The following CSMD2 variants were observed in gnomAD, a reference collection of about 807,000 sequenced individuals.
The protein encoded by CSMD2 is CUB and Sushi multiple domains 2.
In CSMD2, 130 loss-of-function variants were observed where a neutral mutation model predicts 398.5. The ratio of observed to expected loss-of-function variants is 0.33; its 90% confidence interval spans 0.28 to 0.38. CSMD2 has a LOEUF of 0.38. CSMD2 is among the 10% of genes least tolerant of loss of function. The pLI is 1.00. For synonymous variants in CSMD2, 1,828 were observed against 1,908.5 expected (o/e 0.96, Z 1.10); for missense variants, 3,829 against 4,764.9 (o/e 0.80, Z 5.78).
rs75798854 is a variant in CSMD2 at position 34,079,230 on chromosome 1, C to A, written c.404+9747G>T. Among the ~76,000 whole-genome samples the A allele has an allele frequency of 2.4e-4, 37 of 152,210 alleles. 1 individual carries two copies. The East Asian group carries it at 7.1e-3, about 29-fold the overall frequency. ...TCAAGGCTAGCCACTCTGACCATTT[C>A]TATTCAATATTATACTGGAGGTTCT... On this transcript the variant is annotated intron_variant, in intron 2 of 70. Coordinates refer to ENST00000373381, the MANE Select transcript of CSMD2 (RefSeq NM_001281956.2).
chr1:34,157,967 C>T (rs937333372), intron 1 of CSMD2, among the ~76,000 whole-genome samples: 1 of 152,078 alleles, frequency 6.6e-6, no homozygotes, highest in Non-Finnish European at 1.5e-5. Context: ...AGGGGTCTCA[C>T]CTTCTCCCAA....
intron 3 of CSMD2, among the ~76,000 whole-genome samples, chr1:33,947,675 A>G (rs114844337): frequency 0.012 from 1,889 of 152,282 alleles, 43 homozygotes; most frequent in African/African-American, 0.042. Flanking sequence ...TCTGCAAATG[A>G]TGGTGAACAG....
At chr1:33,732,929 A>C (rs1646767795) in intron 15 of CSMD2, among the ~76,000 whole-genome samples, 1 of 152,132 alleles carries the variant, frequency 6.6e-6, no homozygotes, top group African/African-American at 2.4e-5. Flanking sequence ...ACAGACATTA[A>C]CCTCATTTCA....
At chr1:33,931,919 G>A (rs1035047910) in intron 4 of CSMD2, among the ~76,000 whole-genome samples, 46 of 152,334 alleles carry the variant, frequency 3.0e-4, no homozygotes, top group African/African-American at 9.6e-4. Context: ...CCTGCCTACA[G>A]AGGGTCAACC....
intron 19 of CSMD2, among the ~76,000 whole-genome samples, chr1:33,722,439 C>T (rs1198565586): frequency 1.3e-5 from 2 of 152,190 alleles, no homozygotes; most frequent in African/African-American, 4.8e-5. Context: ...TCCACATTAT[C>T]CCCCAGACTG....
chr1:33,971,418 C>T (rs1047819116), intron 3 of CSMD2, among the ~76,000 whole-genome samples: 1 of 152,274 alleles, frequency 6.6e-6, no homozygotes. Flanking sequence ...ACACTGCTCA[C>T]AGGCTGGGAG....
At chr1:34,142,679 C>T (rs1307674871) in intron 1 of CSMD2, among the ~76,000 whole-genome samples, 2 of 152,218 alleles carry the variant, frequency 1.3e-5, no homozygotes, top group Non-Finnish European at 2.9e-5. Context: ...CTGGATGTAA[C>T]TCCAACATTT....
rs200526131 is a variant in CSMD2 at position 33,730,446 on chromosome 1, T to A, written c.2369-3761A>T. 1.8e-4 allele frequency among the ~76,000 whole-genome samples: 28 copies of A among 152,250 alleles called. No homozygotes were observed. The East Asian group carries it at 5.0e-3, about 27-fold the overall frequency. ...ATTTTAAATAATTAAAATGAAAGAT[T>A]AAGCAAATCAATAAACTGATAAGCA... On this transcript the variant is annotated intron_variant, in intron 15 of 70. Coordinates refer to ENST00000373381, the MANE Select transcript of CSMD2 (RefSeq NM_001281956.2).
intron 27 of CSMD2, among the ~76,000 whole-genome samples, chr1:33,656,352 A>G (rs1310124074): frequency 6.6e-6 from 1 of 152,248 alleles, no homozygotes; most frequent in Non-Finnish European, 1.5e-5. Flanking sequence ...GGATGTGTCT[A>G]CTTCAGTATC....
chr1:33,904,247 G>A (rs941801866), intron 5 of CSMD2, among the ~76,000 whole-genome samples: 1 of 152,194 alleles, frequency 6.6e-6, no homozygotes, highest in East Asian at 1.9e-4. Flanking sequence ...AGGTGCTGGC[G>A]GAACCAAATG....
chr1:33,673,652 A>G (rs1644595173), intron 25 of CSMD2, among the ~76,000 whole-genome samples: 1 of 152,200 alleles, frequency 6.6e-6, no homozygotes, highest in Non-Finnish European at 1.5e-5. Flanking sequence ...TCCAAGACAC[A>G]TAATTGTCAG....
In CSMD2 at chr1:34,164,890, C is replaced by T. The variant is rs987060059; in HGVS notation, c.187+21G>A. The T allele has an allele frequency of 7.0e-5, 85 of 1,218,490 alleles. No homozygotes were observed. Among genetic ancestry groups the T allele is most frequent in the Admixed American group, 8.6e-5 (2 of 23,172 alleles). The allele number at this position is 1,218,490 out of a possible 1,614,324, so 75.5% of individuals were successfully genotyped here. A position where few individuals can be genotyped will look rare whatever the true frequency, so the allele number is the denominator to read the frequency against. On this transcript the variant is annotated intron_variant, in intron 1 of 70. Transcript: ENST00000373381. This position sits in a 1 kb window ranked among gnomAD's most constrained non-coding sequence, Gnocchi z 6.2. ...GTGGGGCGCGCGGCGGCCGCTGGCTCCTCGGCGCGGCTGGACTCACCCGCG... is the reference window on the plus strand; with the variant it reads ...GTGGGGCGCGCGGCGGCCGCTGGCTTCTCGGCGCGGCTGGACTCACCCGCG...
intron 13 of CSMD2, among the ~76,000 whole-genome samples, chr1:33,761,329 C>T (rs538848416): frequency 2.6e-5 from 4 of 152,278 alleles, no homozygotes; most frequent in Non-Finnish European, 5.9e-5. Flanking sequence ...GCACCCAGCC[C>T]CCAGGATCCT....
chr1:34,159,564 C>T (rs2148580434), intron 1 of CSMD2, among the ~76,000 whole-genome samples: 1 of 152,342 alleles, frequency 6.6e-6, no homozygotes, highest in Non-Finnish European at 1.5e-5. Flanking sequence ...TGGCGTCAGC[C>T]AGGCCTGCAT....
chr1:33,757,891 T>G (rs933682811), intron 13 of CSMD2, among the ~76,000 whole-genome samples: 1 of 152,236 alleles, frequency 6.6e-6, no homozygotes, highest in Non-Finnish European at 1.5e-5. Context: ...GAGGCCCTCT[T>G]TCTACTGCCA....
At chr1:34,103,505 A>G (rs151206291) in intron 1 of CSMD2, among the ~76,000 whole-genome samples, 1,668 of 151,972 alleles carry the variant, frequency 0.011, 13 homozygotes, top group Non-Finnish European at 0.018. Context: ...TCACCGTGTT[A>G]GCCAGGATGG....
chr1:33,662,574 T>C (rs1280511426), intron 26 of CSMD2, among the ~76,000 whole-genome samples: 1 of 152,220 alleles, frequency 6.6e-6, no homozygotes, highest in Non-Finnish European at 1.5e-5. Context: ...AACTTCTACT[T>C]GTCCGTTGGG....
intron 53 of CSMD2, among the ~76,000 whole-genome samples, chr1:33,560,557 G>T (rs776273371): frequency 3.1e-4 from 47 of 152,194 alleles, no homozygotes; most frequent in Admixed American, 1.4e-3. Flanking sequence ...CATTGTTCCT[G>T]CAGATATCCC....
At chr1:33,659,335 G>A (rs1361047260) in intron 26 of CSMD2, among the ~76,000 whole-genome samples, 1 of 152,196 alleles carries the variant, frequency 6.6e-6, no homozygotes, top group East Asian at 1.9e-4. Flanking sequence ...AATCTCAAGA[G>A]CTGGAACAAC....
Sources: allele counts gnomAD v4.1 joint callset (sites outside exome capture counted in the v4.1 genomes callset), GRCh38; gene constraint gnomAD v4.1.1; non-coding constraint Gnocchi (gnomAD v3.1); transcripts MANE v1.5; gene names NCBI Gene and HGNC (gene_info 2026-07-23, HGNC 2026-07-21).